DLC1: variants seen among roughly 807,000 people sequenced by gnomAD.
The protein encoded by DLC1 is rho GTPase-activating protein 7.
DLC1 carries 54 observed loss-of-function variants against 140.3 expected under a neutral mutation model. The observed-to-expected ratio is 0.38, with a 90% CI of 0.31 to 0.48. The LOEUF (loss-of-function observed/expected upper bound fraction) is 0.48. Among genes scored for constraint, DLC1 ranks in the 20% least tolerant of loss-of-function variants. DLC1 has a pLI of 0.96. For missense variants in DLC1, 2,536 were observed against 1,907.0 expected (o/e 1.33, Z -6.14); for synonymous variants, 986 against 728.1 (o/e 1.35, Z -5.70).
intron 4 of DLC1, among the ~76,000 whole-genome samples, chr8:13,353,988 C>T (rs768291886): frequency 6.6e-6 from 1 of 151,976 alleles, no homozygotes; most frequent in Non-Finnish European, 1.5e-5. Context: ...TGTGGGTCCA[C>T]TGACTTTCTT....
chr8:13,490,955 T>C (rs1057199320), intron 2 of DLC1, among the ~76,000 whole-genome samples: 18 of 147,966 alleles, frequency 1.2e-4, no homozygotes, highest in African/African-American at 4.0e-4. Flanking sequence ...CAGGTTTAAT[T>C]ACCCTCATTC....
intron 1 of DLC1, among the ~76,000 whole-genome samples, chr8:13,569,570 A>C (rs11782659): frequency 0.081 from 12,352 of 152,128 alleles, 561 homozygotes; most frequent in East Asian, 0.11. Context: ...GGCATGCTCC[A>C]CCCTTTTAGT....
At chr8:13,131,572 G>A (rs1456952650) in intron 5 of DLC1, among the ~76,000 whole-genome samples, 1 of 131,770 alleles carries the variant, frequency 7.6e-6, no homozygotes, top group East Asian at 2.7e-4. Flanking sequence ...TGGGGAGTGG[G>A]ACGAAGCTTT....
intron 12 of DLC1, 49 bp downstream of exon 12, chr8:13,094,710 G>C: frequency 6.2e-6 from 10 of 1,605,870 alleles, no homozygotes; most frequent in African/African-American, 1.3e-5. Context: ...GCTTCAGTTG[G>C]TCCCATTTTT....
chr8:13,388,282 A>G (rs992797666), intron 4 of DLC1, among the ~76,000 whole-genome samples: 3 of 152,004 alleles, frequency 2.0e-5, no homozygotes, highest in Non-Finnish European at 4.4e-5. Flanking sequence ...TTCAGTGGCA[A>G]TAATGAACAA....
At chr8:13,369,839 C>G (rs1835651158) in intron 4 of DLC1, among the ~76,000 whole-genome samples, 1 of 151,396 alleles carries the variant, frequency 6.6e-6, no homozygotes, top group Non-Finnish European at 1.5e-5. Flanking sequence ...AGTCGGCTCT[C>G]CGATCGTCTC....
intron 5 of DLC1, among the ~76,000 whole-genome samples, chr8:13,254,942 C>G (rs1336406431): frequency 6.6e-6 from 1 of 151,762 alleles, no homozygotes; most frequent in Non-Finnish European, 1.5e-5. Context: ...ACTATATGAT[C>G]TTGGAAGAGT....
intron 4 of DLC1, among the ~76,000 whole-genome samples, chr8:13,365,171 G>A (rs954415959): frequency 9.2e-5 from 14 of 152,236 alleles, no homozygotes; most frequent in African/African-American, 3.4e-4. Context: ...CTTTGCACAG[G>A]TCGAGAGAAT....
At chr8:13,415,642 G>A (rs1838020768) in intron 2 of DLC1, among the ~76,000 whole-genome samples, 1 of 151,998 alleles carries the variant, frequency 6.6e-6, no homozygotes, top group Non-Finnish European at 1.5e-5. Context: ...CTCATGATCT[G>A]CCTGCCTTGG....
chr8:13,599,099 A>T (rs1432351611), intron 1 of DLC1, among the ~76,000 whole-genome samples: 1 of 151,916 alleles, frequency 6.6e-6, no homozygotes, highest in Non-Finnish European at 1.5e-5. Context: ...TGAATTATAA[A>T]ACAAACTAGC....
At chr8:13,284,564 A>G (rs1399741927) in intron 5 of DLC1, among the ~76,000 whole-genome samples, 1 of 152,020 alleles carries the variant, frequency 6.6e-6, no homozygotes, top group East Asian at 1.9e-4. Context: ...AAAGATAACA[A>G]TAGAAAGCCC....
intron 4 of DLC1, among the ~76,000 whole-genome samples, chr8:13,354,126 C>T (rs903131633): frequency 1.3e-5 from 2 of 151,832 alleles, no homozygotes; most frequent in Middle Eastern, 3.4e-3. Flanking sequence ...CATGTCTTTG[C>T]TTGGCTCATT....
intron 1 of DLC1, among the ~76,000 whole-genome samples, chr8:13,577,692 T>C (rs1804892823): frequency 6.6e-6 from 1 of 152,238 alleles, no homozygotes; most frequent in African/African-American, 2.4e-5. Flanking sequence ...TGAGTCAAAT[T>C]ATGCCCACTG....
At chr8:13,138,311 C>T (rs1351717725) in intron 5 of DLC1, among the ~76,000 whole-genome samples, 2 of 152,124 alleles carry the variant, frequency 1.3e-5, no homozygotes, top group Non-Finnish European at 2.9e-5. Context: ...TTTTCCAGAA[C>T]CCCTATAATT....
chr8:13,347,831 A>G (rs1834427472), intron 4 of DLC1, among the ~76,000 whole-genome samples: 1 of 152,144 alleles, frequency 6.6e-6, no homozygotes, highest in African/African-American at 2.4e-5. Context: ...GGGCATTAAA[A>G]CATGCTTCCT....
chr8:13,141,835 G>T (rs559077882), intron 5 of DLC1, among the ~76,000 whole-genome samples: 2 of 152,246 alleles, frequency 1.3e-5, no homozygotes, highest in Non-Finnish European at 2.9e-5. Flanking sequence ...AATTAAGCTG[G>T]ACTTTGGGGG....
intron 10 of DLC1, 43 bp downstream of exon 10, chr8:13,098,356 A>G (rs748125048): frequency 6.2e-7 from 1 of 1,606,846 alleles, no homozygotes; most frequent in East Asian, 2.2e-5. Flanking sequence ...CTGACCAAAA[A>G]TATCATTTTC....
chr8:13,590,077 A>ATATATATATATATATATCTC (rs11272767), intron 1 of DLC1, among the ~76,000 whole-genome samples: 159 of 145,264 alleles, frequency 1.1e-3, no homozygotes, highest in African/African-American at 3.2e-3. Flanking sequence ...ATATATATAT[A>ATATATATATATATATATCTC]CAAACACATG....
At position 13,152,291 on chromosome 8, in the gene DLC1, C is replaced by T. The variant is rs79945356; in HGVS notation, c.1349-36634G>A. 3.2e-3 allele frequency among the ~76,000 whole-genome samples: 492 copies of T among 152,318 alleles called. 3 individuals carry two copies. The highest frequency in any genetic ancestry group is 0.011 in the African/African-American group (476 of 41,576). ...TTGCTAATGGTGGTTAACAACTTTG[C>T]ATGCTTCTCTTGATAGACACAAATC... On this transcript the variant is annotated intron_variant, in intron 5 of 17. Coordinates refer to ENST00000276297, the MANE Select transcript of DLC1 (RefSeq NM_182643.3).
Sources: gnomAD v4.1 joint callset for allele counts (sites outside exome capture counted in the v4.1 genomes callset) on GRCh38, gnomAD v4.1.1 for gene constraint, MANE v1.5 for transcripts, NCBI Gene and HGNC (gene_info 2026-07-23, HGNC 2026-07-21) for gene names.